CSMD1: variants seen among roughly 807,000 people sequenced by gnomAD.
CSMD1 encodes the protein CUB and Sushi multiple domains 1, also known as CUB and sushi domain-containing protein 1.
Under a neutral mutation model 417.5 loss-of-function variants are expected in CSMD1, and 213 were observed. The observed-to-expected ratio is 0.51, with a 90% CI of 0.46 to 0.57. CSMD1 has a LOEUF of 0.57. CSMD1 is among the 20% of genes least tolerant of loss of function. The pLI, the probability that CSMD1 is intolerant of heterozygous loss-of-function variation, is 0.00. For missense variants in CSMD1, 6,923 were observed against 4,529.7 expected (o/e 1.53, Z -15.17); for synonymous variants, 2,862 against 1,736.8 (o/e 1.65, Z -16.11).
intron 3 of CSMD1, among the ~76,000 whole-genome samples, chr8:4,144,300 C>T (rs1265520804): frequency 6.6e-6 from 1 of 151,014 alleles, no homozygotes; most frequent in Non-Finnish European, 1.5e-5. Context: ...AAACAGGATA[C>T]CCCACTTAAA....
At chr8:3,914,566 G>C (rs1808685950) in intron 5 of CSMD1, among the ~76,000 whole-genome samples, 1 of 152,078 alleles carries the variant, frequency 6.6e-6, no homozygotes, top group Non-Finnish European at 1.5e-5. Context: ...TGAAATGGCA[G>C]TTTACTCCTT....
chr8:3,997,333 C>T (rs548922316), intron 5 of CSMD1, among the ~76,000 whole-genome samples: 1 of 152,276 alleles, frequency 6.6e-6, no homozygotes, highest in African/African-American at 2.4e-5. Flanking sequence ...TCCTTTGTCT[C>T]TACTGGGGTA....
At chr8:3,800,847 C>T (rs1800415874) in intron 5 of CSMD1, among the ~76,000 whole-genome samples, 1 of 152,072 alleles carries the variant, frequency 6.6e-6, no homozygotes, top group Admixed American at 6.6e-5. Flanking sequence ...TGACACAGCA[C>T]AAAAGCCCTC....
At chr8:4,203,314 C>G (rs562730604) in intron 3 of CSMD1, among the ~76,000 whole-genome samples, 1 of 152,076 alleles carries the variant, frequency 6.6e-6, no homozygotes, top group Non-Finnish European at 1.5e-5. Context: ...ACCACGGGGT[C>G]GGCTCAGGGA....
intron 3 of CSMD1, among the ~76,000 whole-genome samples, chr8:4,044,915 T>C (rs1358607221): frequency 6.8e-6 from 1 of 146,354 alleles, no homozygotes; most frequent in Non-Finnish European, 1.5e-5. Flanking sequence ...CACAAAAAGT[T>C]AAATTTAAAA....
intron 1 of CSMD1, among the ~76,000 whole-genome samples, chr8:4,974,183 A>AT (rs34867801): frequency 0.26 from 37,993 of 145,496 alleles, 5,765 homozygotes; most frequent in Non-Finnish European, 0.36. Flanking sequence ...CACCCAGCTA[A>AT]TTTTTTTTTT....
chr8:3,872,096 T>G lies in CSMD1; in HGVS notation c.819-118054A>C, dbSNP rs191462545. Among the ~76,000 whole-genome samples, 185 of 152,352 alleles carry G rather than the reference T, an allele frequency of 1.2e-3. 1 individual carries two copies. Among genetic ancestry groups the G allele is most frequent in the African/African-American group, 4.3e-3 (178 of 41,580 alleles). ...GCTGAAAGGCCAATTCCCTTTTGGTTTTCTCAAATTTCTTTCCATTCTTAT... is the reference window on the plus strand; with the variant it reads ...GCTGAAAGGCCAATTCCCTTTTGGTGTTCTCAAATTTCTTTCCATTCTTAT... On this transcript the variant is annotated intron_variant, in intron 5 of 69. Coordinates refer to ENST00000635120, the MANE Select transcript of CSMD1 (RefSeq NM_033225.6).
At chr8:4,492,687 T>G (rs1479223905) in intron 2 of CSMD1, among the ~76,000 whole-genome samples, 1 of 152,144 alleles carries the variant, frequency 6.6e-6, no homozygotes, top group African/African-American at 2.4e-5. Context: ...GTAAAAGGAT[T>G]TTTGAGAATG....
intron 3 of CSMD1, among the ~76,000 whole-genome samples, chr8:4,398,532 T>C (rs1236700112): frequency 1.3e-5 from 2 of 151,760 alleles, no homozygotes; most frequent in South Asian, 2.1e-4. Context: ...TAGGTGGGAC[T>C]ACAGGCGCCC....
intron 3 of CSMD1, among the ~76,000 whole-genome samples, chr8:4,068,466 A>T (rs1167753813): frequency 6.6e-6 from 1 of 152,232 alleles, no homozygotes; most frequent in Non-Finnish European, 1.5e-5. Flanking sequence ...GAAGTCTTTC[A>T]TGACACCATA....
At chr8:3,223,642 T>G in intron 28 of CSMD1, 87 bp downstream of exon 28, 5 of 1,368,014 alleles carry the variant, frequency 3.7e-6, no homozygotes, top group Non-Finnish European at 5.1e-6. Flanking sequence ...GATATAACAT[T>G]AGAGACTATG....
intron 1 of CSMD1, among the ~76,000 whole-genome samples, chr8:4,915,154 C>G (rs989664673): frequency 6.6e-6 from 1 of 151,958 alleles, no homozygotes; most frequent in Admixed American, 6.6e-5. Context: ...AATACGCATG[C>G]TTATGATTAT....
At chr8:3,608,784 A>G (rs1431246281) in intron 8 of CSMD1, among the ~76,000 whole-genome samples, 1 of 148,510 alleles carries the variant, frequency 6.7e-6, no homozygotes, top group Non-Finnish European at 1.5e-5. Context: ...AAAAATCATA[A>G]CGTCCAGCAG....
At position 3,372,502 on chromosome 8, in the gene CSMD1, G is replaced by C. The variant is rs147667665; in HGVS notation, c.2783-3132C>G. On this transcript the variant is annotated intron_variant, in intron 18 of 69. Coordinates refer to ENST00000635120, the MANE Select transcript of CSMD1 (RefSeq NM_033225.6). ...GTCAGGACCCCGAACCAGGGCATTG[G>C]CAGCAAGATGGGAAGACATGGTCTG... 4.0e-3 allele frequency among the ~76,000 whole-genome samples: 616 copies of C among 152,294 alleles called. 3 individuals are homozygous for C. Among genetic ancestry groups the C allele is most frequent in the African/African-American group, 0.014 (594 of 41,558 alleles).
chr8:4,314,510 C>G (rs1459817129), intron 3 of CSMD1, among the ~76,000 whole-genome samples: 2 of 152,088 alleles, frequency 1.3e-5, no homozygotes, highest in Non-Finnish European at 2.9e-5. Flanking sequence ...CTGGACTTTG[C>G]TAATGCCTTG....
chr8:3,319,100 T>C (rs960138487), intron 23 of CSMD1, among the ~76,000 whole-genome samples: 5 of 152,156 alleles, frequency 3.3e-5, no homozygotes, highest in Admixed American at 2.0e-4. Flanking sequence ...TTTATGTGTC[T>C]TGCATCCAGA....
At chr8:4,393,898 C>A (rs1804029017) in intron 3 of CSMD1, among the ~76,000 whole-genome samples, 1 of 152,132 alleles carries the variant, frequency 6.6e-6, no homozygotes, top group Admixed American at 6.6e-5. Flanking sequence ...TGAAATATAC[C>A]TTTCCATCTT....
chr8:3,802,442 T>G (rs1247609009), intron 5 of CSMD1, among the ~76,000 whole-genome samples: 1 of 152,202 alleles, frequency 6.6e-6, no homozygotes, highest in Non-Finnish European at 1.5e-5. Flanking sequence ...CATTTTTTTC[T>G]TATTAAATTT....
intron 12 of CSMD1, among the ~76,000 whole-genome samples, chr8:3,427,288 TGA>T (rs2117004948): frequency 6.6e-6 from 1 of 152,276 alleles, no homozygotes; most frequent in East Asian, 1.9e-4. Context: ...AACCACAAAA[TGA>T]CACAAATAAA....
Sources: gnomAD v4.1 joint callset for allele counts (sites outside exome capture counted in the v4.1 genomes callset) on GRCh38, gnomAD v4.1.1 for gene constraint, MANE v1.5 for transcripts, NCBI Gene and HGNC (gene_info 2026-07-23, HGNC 2026-07-21) for gene names.